PARD3: variants seen among roughly 807,000 people sequenced by gnomAD.
PARD3 encodes par-3 family cell polarity regulator.
Under a neutral mutation model 155.4 loss-of-function variants are expected in PARD3, and 75 were observed. That is an observed-to-expected ratio of 0.48 (90% CI 0.40 to 0.58). The LOEUF is 0.58. Among genes scored for constraint, PARD3 ranks in the 20% least tolerant of loss-of-function variants. The pLI is 0.00. For missense variants in PARD3, 1,642 were observed against 1,721.7 expected (o/e 0.95, Z 0.82); for synonymous variants, 576 against 610.5 (o/e 0.94, Z 0.83).
At chr10:34,224,640 G>A (rs1020062075) in intron 22 of PARD3, among the ~76,000 whole-genome samples, 3 of 152,306 alleles carry the variant, frequency 2.0e-5, no homozygotes, top group South Asian at 2.1e-4. Flanking sequence ...TGCACAGGGC[G>A]GGCAGAGGGA....
At chr10:34,195,727 G>A (rs1950904557) in intron 22 of PARD3, among the ~76,000 whole-genome samples, 2 of 152,210 alleles carry the variant, frequency 1.3e-5, no homozygotes, top group African/African-American at 4.8e-5. Context: ...TTAGAGTCAT[G>A]TGGATGGGCA....
chr10:34,362,507 G>GT (rs919881117), intron 12 of PARD3, among the ~76,000 whole-genome samples: 19 of 152,070 alleles, frequency 1.2e-4, no homozygotes, highest in African/African-American at 4.1e-4. Flanking sequence ...TTTGTTGTTT[G>GT]TTTTTTTGAG....
chr10:34,283,437 C>T (rs1956244745), intron 21 of PARD3, among the ~76,000 whole-genome samples: 1 of 152,050 alleles, frequency 6.6e-6, no homozygotes, highest in South Asian at 2.1e-4. Context: ...CTTTCTCACC[C>T]CCTGGAATTA....
chr10:34,538,868 T>C (rs543195028), intron 2 of PARD3, among the ~76,000 whole-genome samples: 15 of 152,330 alleles, frequency 9.8e-5, no homozygotes, highest in Middle Eastern at 3.4e-3. Context: ...CACAGTTTCT[T>C]CTAGACCTGG....
chr10:34,121,511 T>C (rs1259446081), intron 23 of PARD3, among the ~76,000 whole-genome samples: 3 of 152,220 alleles, frequency 2.0e-5, no homozygotes, highest in Admixed American at 6.5e-5. Context: ...AATGATTTTC[T>C]AAAACAACAG....
intron 2 of PARD3, among the ~76,000 whole-genome samples, chr10:34,556,661 C>T (rs909293683): frequency 2.6e-5 from 4 of 152,112 alleles, no homozygotes; most frequent in African/African-American, 9.7e-5. Context: ...GGACTACAAG[C>T]GTGAGTCACC....
rs570460941 is a variant in PARD3, at chr10:34,328,547, TGTGAAG to T, written c.2833+2564_2833+2569del. On this transcript the variant is annotated intron_variant, in intron 19 of 24. Coordinates refer to ENST00000374788, the MANE Select transcript of PARD3 (RefSeq NM_001184785.2). ...CATGTACAGAAGTGAGTAAAACAAC[TGTGAAG>T]GTGGTGGTGGGGGGAAGGTGACACT... is the stretch of plus-strand genomic sequence containing the variant. Among the ~76,000 whole-genome samples, 17 of 152,230 alleles carry T rather than the reference TGTGAAG, an allele frequency of 1.1e-4. No homozygotes were observed. The South Asian group carries it at 1.9e-3, about 17-fold the overall frequency.
At chr10:34,133,280 C>G (rs1057055343) in intron 22 of PARD3, among the ~76,000 whole-genome samples, 1 of 152,170 alleles carries the variant, frequency 6.6e-6, no homozygotes, top group Non-Finnish European at 1.5e-5. Context: ...GGGGCTGGAA[C>G]CCCGGCTCCC....
rs1554825384 is a variant in PARD3 at position 34,750,509 on chromosome 10, A to ACC, written c.121-54092_121-54091dup. Among the ~76,000 whole-genome samples the ACC allele has an allele frequency of 9.0e-3, 1,266 of 140,148 alleles. 9 individuals carry two copies. The highest frequency in any genetic ancestry group is 0.014 in the Non-Finnish European group (885 of 64,324). The allele number at this position is 140,148 out of a possible 152,430, so 91.9% of individuals were successfully genotyped here. A position where few individuals can be genotyped will look rare whatever the true frequency, so the allele number is the denominator to read the frequency against. On this transcript the variant is annotated intron_variant, in intron 1 of 24. Coordinates refer to ENST00000374788, the MANE Select transcript of PARD3 (RefSeq NM_001184785.2). Reference sequence around the variant, plus strand: ...CACACACACACACACACACACACACACCCTAAGACTATAGAGGACAGGAAA... The same window carrying ACC: ...CACACACACACACACACACACACACACCCCCTAAGACTATAGAGGACAGGAAA...
chr10:34,811,145 T>C (rs1236000791), intron 1 of PARD3, among the ~76,000 whole-genome samples: 2 of 152,048 alleles, frequency 1.3e-5, no homozygotes, highest in Admixed American at 1.3e-4. Context: ...GCTAAGGAAT[T>C]ATCCATCCAA....
At chr10:34,765,448 C>T (rs58534530) in intron 1 of PARD3, among the ~76,000 whole-genome samples, 7,571 of 152,040 alleles carry the variant, frequency 0.05, 225 homozygotes, top group Middle Eastern at 0.082. Flanking sequence ...GAGGCTGAGG[C>T]GGGTAGATCA....
chr10:34,279,427 C>T (rs1956059141), intron 21 of PARD3, among the ~76,000 whole-genome samples: 1 of 151,916 alleles, frequency 6.6e-6, no homozygotes, highest in Non-Finnish European at 1.5e-5. Context: ...TGAAACTTAG[C>T]CTATTGATTA....
intron 7 of PARD3, among the ~76,000 whole-genome samples, chr10:34,397,995 G>C (rs1189356246): frequency 6.6e-6 from 1 of 152,096 alleles, no homozygotes; most frequent in Admixed American, 6.6e-5. Context: ...TTAACTATAA[G>C]TTATTTGAAG....
chr10:34,196,212 C>T (rs972071139), intron 22 of PARD3, among the ~76,000 whole-genome samples: 5 of 152,170 alleles, frequency 3.3e-5, no homozygotes, highest in Middle Eastern at 3.2e-3. Context: ...TATTCCTGTG[C>T]TCTGCAGGGT....
intron 2 of PARD3, among the ~76,000 whole-genome samples, chr10:34,598,732 C>T (rs568358215): frequency 6.6e-6 from 1 of 152,278 alleles, no homozygotes; most frequent in Admixed American, 6.5e-5. Context: ...ATCAGTAAGT[C>T]CTGGGGGTAC....
At chr10:34,164,239 G>C (rs1413947572) in intron 22 of PARD3, among the ~76,000 whole-genome samples, 1 of 152,160 alleles carries the variant, frequency 6.6e-6, no homozygotes, top group East Asian at 1.9e-4. Flanking sequence ...AGATGAATAG[G>C]AAAGTTTGTT....
rs574936488 is a variant in PARD3, at chr10:34,293,102, G to A, written c.3066-8857C>T. Reference sequence around the variant, plus strand: ...GTGGGACTCAAATATAAAGATTTAAGAGAAATAAAAGCAAACACAGTAATC... The same window carrying A: ...GTGGGACTCAAATATAAAGATTTAAAAGAAATAAAAGCAAACACAGTAATC... On this transcript the variant is annotated intron_variant, in intron 20 of 24. Transcript: ENST00000374788. Among the ~76,000 whole-genome samples the A allele has an allele frequency of 8.5e-5, 13 of 152,254 alleles. No homozygotes were observed. In the East Asian group the frequency reaches 2.5e-3, roughly 29 times the overall value.
At chr10:34,268,892 C>T (rs1308720695) in intron 22 of PARD3, among the ~76,000 whole-genome samples, 1 of 151,894 alleles carries the variant, frequency 6.6e-6, no homozygotes, top group African/African-American at 2.4e-5. Context: ...CAAACCTGCA[C>T]GTTGTGCACA....
At chr10:34,210,398 G>C (rs1298815327) in intron 22 of PARD3, among the ~76,000 whole-genome samples, 1 of 152,196 alleles carries the variant, frequency 6.6e-6, no homozygotes, top group Non-Finnish European at 1.5e-5. Flanking sequence ...TACTTTGCGT[G>C]TGGATGTTGG....
Sources: allele counts gnomAD v4.1 joint callset (sites outside exome capture counted in the v4.1 genomes callset), GRCh38; gene constraint gnomAD v4.1.1; transcripts MANE v1.5; gene names NCBI Gene and HGNC (gene_info 2026-07-23, HGNC 2026-07-21).